The following TAS2R1 variants were observed in gnomAD, a reference collection of about 807,000 sequenced individuals.
The protein encoded by TAS2R1 is taste 2 receptor member 1.
For missense variants in TAS2R1, 370 were observed against 353.4 expected (o/e 1.05, Z -0.38); for synonymous variants, 141 against 134.2 (o/e 1.05, Z -0.35).
the TAS2R1 span, among the ~76,000 whole-genome samples, chr5:9,750,108 G>C: frequency 6.6e-6 from 1 of 152,154 alleles, no homozygotes; most frequent in African/African-American, 2.4e-5. Context: ...GGAGATCCAA[G>C]GGCAGAAACT....
At chr5:9,745,302 T>C in the TAS2R1 span, among the ~76,000 whole-genome samples, 1 of 152,100 alleles carries the variant, frequency 6.6e-6, no homozygotes, top group Non-Finnish European at 1.5e-5. Context: ...GAGCAGAGCA[T>C]GAGATATTAT....
chr5:9,750,850 T>C, the TAS2R1 span, among the ~76,000 whole-genome samples: 3 of 152,140 alleles, frequency 2.0e-5, no homozygotes, highest in African/African-American at 7.2e-5. Context: ...ACAGACTTTA[T>C]GCAATATTGA....
chr5:9,777,255 G>T, the TAS2R1 span, among the ~76,000 whole-genome samples: 1 of 152,168 alleles, frequency 6.6e-6, no homozygotes, highest in African/African-American at 2.4e-5. Flanking sequence ...TTTCAAAATT[G>T]GAATCAATCC....
chr5:9,645,187 A>G (rs943264664), intron 2 of TAS2R1, among the ~76,000 whole-genome samples: 14 of 152,182 alleles, frequency 9.2e-5, no homozygotes, highest in African/African-American at 3.1e-4. Flanking sequence ...AGTGCTTACA[A>G]CGCTAAACAA....
chr5:9,633,999 G>T (rs963963942), upstream of TAS2R1, among the ~76,000 whole-genome samples: 5 of 151,888 alleles, frequency 3.3e-5, no homozygotes, highest in Admixed American at 3.3e-4. Flanking sequence ...TTGGGTTCTT[G>T]GTCATGAACT....
the TAS2R1 span, among the ~76,000 whole-genome samples, chr5:9,840,446 G>A: frequency 5.3e-5 from 8 of 151,706 alleles, no homozygotes; most frequent in African/African-American, 1.9e-4. Flanking sequence ...TTATCTTTTG[G>A]TGGTGACTAT....
Position 9,629,586 on chromosome 5 carries a change from C to A in TAS2R1, c.447G>T (p.Gly149=). 1 of 1,614,134 alleles carries A rather than the reference C, an allele frequency of 6.2e-7. No individual in the cohort carries two copies. The highest frequency in any genetic ancestry group is 8.5e-7 in the Non-Finnish European group (1 of 1,180,034). Reference sequence around the variant, plus strand: ...TCCTTAGGAAGTATGGGACCATAAACCCTGCATATTTGCTATGGAAAACAC... The same window carrying A: ...TCCTTAGGAAGTATGGGACCATAAAACCTGCATATTTGCTATGGAAAACAC... ...MICVFHSKYA[G]FMVPYFLRKF... Residue 149 remains glycine (G), a synonymous_variant, in exon 1 of 1, where the codon GGG becomes GGT. Coordinates refer to ENST00000382492, the MANE Select transcript of TAS2R1 (RefSeq NM_019599.3).
the TAS2R1 span, among the ~76,000 whole-genome samples, chr5:9,878,506 T>C: frequency 1.3e-5 from 2 of 152,260 alleles, no homozygotes; most frequent in African/African-American, 2.4e-5. Flanking sequence ...CCACGAACGC[T>C]TGTATCTAAG....
chr5:9,808,292 T>C, the TAS2R1 span, among the ~76,000 whole-genome samples: 2 of 152,184 alleles, frequency 1.3e-5, no homozygotes, highest in African/African-American at 4.8e-5. Flanking sequence ...AGGTAATCCC[T>C]ATTATATAGT....
At chr5:9,848,088 C>A in the TAS2R1 span, among the ~76,000 whole-genome samples, 1 of 152,220 alleles carries the variant, frequency 6.6e-6, no homozygotes, top group African/African-American at 2.4e-5. Context: ...CCATCCAACA[C>A]AGAACTCATG....
the TAS2R1 span, among the ~76,000 whole-genome samples, chr5:9,744,149 C>G: frequency 6.6e-6 from 1 of 152,148 alleles, no homozygotes; most frequent in Non-Finnish European, 1.5e-5. Context: ...ACACACTGCT[C>G]TCTCCCTTCT....
At chr5:9,677,975 G>A (rs903653155) in intron 1 of TAS2R1, among the ~76,000 whole-genome samples, 2 of 152,106 alleles carry the variant, frequency 1.3e-5, no homozygotes, top group African/African-American at 4.8e-5. Context: ...GCTGAGGTGG[G>A]AAGATTGCTT....
chr5:9,899,047 C>T, the TAS2R1 span, among the ~76,000 whole-genome samples: 1 of 152,136 alleles, frequency 6.6e-6, no homozygotes, highest in African/African-American at 2.4e-5. Context: ...CTCTTTTGGA[C>T]ACTATAAATG....
chr5:9,714,094 A>G (rs542974523), upstream of TAS2R1: 1 of 152,316 alleles, frequency 6.6e-6, no homozygotes, highest in South Asian at 2.1e-4. Context: ...TGCCTCCTAC[A>G]GTATCTTCCT....
At chr5:9,832,489 A>G in the TAS2R1 span, among the ~76,000 whole-genome samples, 1 of 152,214 alleles carries the variant, frequency 6.6e-6, no homozygotes, top group Non-Finnish European at 1.5e-5. Context: ...GCTCCCAGCC[A>G]GGGTTCTCCT....
intron 1 of TAS2R1, among the ~76,000 whole-genome samples, chr5:9,662,081 C>G (rs898391503): frequency 2.0e-5 from 3 of 152,140 alleles, no homozygotes; most frequent in African/African-American, 7.2e-5. Context: ...AGTTGTGAAG[C>G]CTCAGAAGGC....
chr5:9,844,728 T>A, the TAS2R1 span, among the ~76,000 whole-genome samples: 1 of 152,118 alleles, frequency 6.6e-6, no homozygotes, highest in Non-Finnish European at 1.5e-5. Context: ...CTTTCAGCAT[T>A]TTTTTAGGCC....
the TAS2R1 span, among the ~76,000 whole-genome samples, chr5:9,797,575 T>C: frequency 1.3e-5 from 2 of 152,164 alleles, no homozygotes; most frequent in Non-Finnish European, 2.9e-5. Context: ...TCAGGAACAA[T>C]TAGTGCCTAA....
chr5:9,794,666 T>C, the TAS2R1 span, among the ~76,000 whole-genome samples: 1 of 152,216 alleles, frequency 6.6e-6, no homozygotes, highest in Non-Finnish European at 1.5e-5. Context: ...AGAAAATATC[T>C]TTACTAAAAT....
Sources: allele counts gnomAD v4.1 joint callset (sites outside exome capture counted in the v4.1 genomes callset), GRCh38; gene constraint gnomAD v4.1.1; transcripts MANE v1.5; gene names NCBI Gene and HGNC (gene_info 2026-07-23, HGNC 2026-07-21).